The following CNTLN variants were observed in gnomAD, a reference collection of about 807,000 sequenced individuals.
CNTLN encodes the protein centlein, centrosomal protein.
A neutral mutation model predicts 180.0 loss-of-function variants in CNTLN; 212 were observed. The ratio of observed to expected loss-of-function variants is 1.18; its 90% CI spans 1.05 to 1.32. The LOEUF (loss-of-function observed/expected upper bound fraction) is 1.32. Ranked by LOEUF, CNTLN falls within the 40% of genes most tolerant of loss-of-function variation. CNTLN has a pLI of 0.00. For missense variants in CNTLN, 2,095 were observed against 1,610.9 expected, an observed-to-expected ratio of 1.30 and a Z score of -5.14; for synonymous variants, 722 against 563.1, an observed-to-expected ratio of 1.28 and a Z score of -3.99.
Position 17,220,372 on chromosome 9 carries a change from A to G in CNTLN, c.450-5831A>G, listed in dbSNP as rs1004563678. Among the ~76,000 whole-genome samples, 3 of 152,074 alleles carry G rather than the reference A, an allele frequency of 2.0e-5. No individual in the cohort carries two copies. In the East Asian group the frequency reaches 5.8e-4, roughly 29 times the overall value. On this transcript the variant is annotated intron_variant, in intron 2 of 25. Transcript: ENST00000380647. ...CATTAGTGGGGATCTTAAGTTTATTATAGAAGAGGGGATTATAAAGACTAA... is the reference window on the plus strand; with the variant it reads ...CATTAGTGGGGATCTTAAGTTTATTGTAGAAGAGGGGATTATAAAGACTAA...
At chr9:17,237,170 T>C (rs951851975) in intron 5 of CNTLN, among the ~76,000 whole-genome samples, 1 of 152,096 alleles carries the variant, frequency 6.6e-6, no homozygotes, top group African/African-American at 2.4e-5. Context: ...CAGTGGTTTC[T>C]TACAATTTTA....
downstream of CNTLN, among the ~76,000 whole-genome samples, chr9:17,505,153 C>G (rs1833909778): frequency 2.0e-5 from 3 of 149,488 alleles, no homozygotes; most frequent in Admixed American, 6.7e-5. Context: ...AAAAAAAACT[C>G]AGAAAACTAT....
At chr9:17,285,156 C>G (rs908575762) in intron 6 of CNTLN, among the ~76,000 whole-genome samples, 1 of 98,844 alleles carries the variant, frequency 1.0e-5, no homozygotes, top group Non-Finnish European at 1.9e-5. Flanking sequence ...CCTCCCCCCT[C>G]CCCCCACCCC....
intron 19 of CNTLN, among the ~76,000 whole-genome samples, chr9:17,458,105 A>G (rs1257751942): frequency 2.6e-5 from 4 of 151,670 alleles, no homozygotes; most frequent in Non-Finnish European, 5.9e-5. Flanking sequence ...AATGAAACCA[A>G]CCCACTTTTG....
At chr9:17,398,275 T>G (rs1387836870) in intron 15 of CNTLN, among the ~76,000 whole-genome samples, 1 of 152,180 alleles carries the variant, frequency 6.6e-6, no homozygotes, top group Non-Finnish European at 1.5e-5. Flanking sequence ...TAGAAGTCAA[T>G]ACTATGACAC....
At chr9:17,427,889 A>G (rs561308524) in intron 18 of CNTLN, among the ~76,000 whole-genome samples, 55 of 152,306 alleles carry the variant, frequency 3.6e-4, no homozygotes, top group South Asian at 2.5e-3. Flanking sequence ...TTGCTTGGGT[A>G]TCTTCTGTGT....
chr9:17,246,838 T>A, intron 5 of CNTLN, among the ~76,000 whole-genome samples: 1 of 152,076 alleles, frequency 6.6e-6, no homozygotes, highest in East Asian at 1.9e-4. Context: ...GGCTCTTTAG[T>A]CAGCAGGAGA....
chr9:17,420,756 C>T (rs1239132598), intron 18 of CNTLN, among the ~76,000 whole-genome samples: 1 of 151,800 alleles, frequency 6.6e-6, no homozygotes, highest in Non-Finnish European at 1.5e-5. Context: ...TGTTGTGCTT[C>T]GATTATTTGT....
intron 25 of CNTLN, among the ~76,000 whole-genome samples, chr9:17,500,457 G>C (rs140614376): frequency 8.8e-4 from 134 of 152,290 alleles, no homozygotes; most frequent in Non-Finnish European, 1.4e-3. Flanking sequence ...ACTGGTGAAA[G>C]GTCTGTGACA....
chr9:17,147,550 G>A (rs1275296420), intron 2 of CNTLN, among the ~76,000 whole-genome samples: 1 of 151,950 alleles, frequency 6.6e-6, no homozygotes, highest in Non-Finnish European at 1.5e-5. Context: ...TTCTCCCTCG[G>A]TTTATTTGTC....
chr9:17,322,874 C>T (rs1051946082), intron 8 of CNTLN, among the ~76,000 whole-genome samples: 2 of 152,048 alleles, frequency 1.3e-5, no homozygotes, highest in Admixed American at 6.6e-5. Context: ...AATATAAAAC[C>T]TATGATTGCC....
At chr9:17,243,400 C>T (rs965873764) in intron 5 of CNTLN, among the ~76,000 whole-genome samples, 1 of 151,914 alleles carries the variant, frequency 6.6e-6, no homozygotes, top group Non-Finnish European at 1.5e-5. Flanking sequence ...CTTTAGGATG[C>T]ATTGTTAGGT....
intron 5 of CNTLN, among the ~76,000 whole-genome samples, chr9:17,243,737 A>G (rs1323282922): frequency 6.6e-6 from 1 of 152,192 alleles, no homozygotes; most frequent in Non-Finnish European, 1.5e-5. Context: ...CATATGGCCT[A>G]TCCTTGAGAA....
rs145452645 is a variant in CNTLN at position 17,165,734 on chromosome 9, G to T, written c.449+22358G>T. Among the ~76,000 whole-genome samples, 313 of 152,346 alleles carry T rather than the reference G, an allele frequency of 2.1e-3. 4 individuals carry two copies. The highest frequency in any genetic ancestry group is 7.3e-3 in the African/African-American group (302 of 41,586). On this transcript the variant is annotated intron_variant, in intron 2 of 25. Coordinates refer to ENST00000380647, the MANE Select transcript of CNTLN (RefSeq NM_017738.4). ...TATTATGAAAACTGGGGGAATAAGT[G>T]AATGCCTATTCTACTGAACAGTGGG...
chr9:17,332,392 G>A (rs937360446), intron 9 of CNTLN, among the ~76,000 whole-genome samples: 1 of 151,936 alleles, frequency 6.6e-6, no homozygotes, highest in Non-Finnish European at 1.5e-5. Context: ...CAATGTAAAT[G>A]TAAATGAATA....
At chr9:17,142,855 G>A (rs1818200775) in intron 1 of CNTLN, among the ~76,000 whole-genome samples, 1 of 152,144 alleles carries the variant, frequency 6.6e-6, no homozygotes, top group Non-Finnish European at 1.5e-5. Context: ...GCAATATAGA[G>A]GACCTTGAAT....
chr9:17,395,847 A>G (rs1291982610), intron 15 of CNTLN, among the ~76,000 whole-genome samples: 4 of 152,200 alleles, frequency 2.6e-5, no homozygotes, highest in Non-Finnish European at 5.9e-5. Context: ...TCCATCTTAA[A>G]TAGGAGCTGG....
At chr9:17,496,459 T>C (rs911624318) in intron 25 of CNTLN, among the ~76,000 whole-genome samples, 2 of 152,220 alleles carry the variant, frequency 1.3e-5, no homozygotes, top group African/African-American at 4.8e-5. Context: ...TTTATAAGGC[T>C]ACTAATCCCA....
At chr9:17,171,555 C>T (rs1820421888) in intron 2 of CNTLN, among the ~76,000 whole-genome samples, 1 of 152,242 alleles carries the variant, frequency 6.6e-6, no homozygotes, top group African/African-American at 2.4e-5. Flanking sequence ...TTCCTGATCT[C>T]TTTTTCTCTT....
Sources: allele counts gnomAD v4.1 joint callset (sites outside exome capture counted in the v4.1 genomes callset), GRCh38; gene constraint gnomAD v4.1.1; transcripts MANE v1.5; gene names NCBI Gene and HGNC (gene_info 2026-07-23, HGNC 2026-07-21).